MAGI1: variants seen among roughly 807,000 people sequenced by gnomAD.
The protein encoded by MAGI1 is membrane-associated guanylate kinase, WW and PDZ domain-containing protein 1.
Under a neutral mutation model 139.9 loss-of-function variants are expected in MAGI1, and 58 were observed. The ratio of observed to expected loss-of-function variants is 0.41; its 90% CI spans 0.34 to 0.52. MAGI1 has a LOEUF of 0.52. Ranked by LOEUF, MAGI1 falls within the 20% of genes least tolerant of loss-of-function variation. The probability of loss-of-function intolerance (pLI) is 0.12; values close to 1 mark genes in which losing one functional copy is unlikely to be tolerated. For missense variants in MAGI1, 1,874 were observed against 1,901.6 expected, an observed-to-expected ratio of 0.99 and a Z score of 0.27; for synonymous variants, 812 against 737.9, an observed-to-expected ratio of 1.10 and a Z score of -1.63.
intron 1 of MAGI1, among the ~76,000 whole-genome samples, chr3:65,927,632 A>G (rs745774165): frequency 6.6e-6 from 1 of 152,234 alleles, no homozygotes; most frequent in Non-Finnish European, 1.5e-5. Context: ...AATGTAAAGT[A>G]CTGCTTTTAG....
intron 2 of MAGI1, among the ~76,000 whole-genome samples, chr3:65,498,451 A>G (rs767152247): frequency 4.6e-5 from 7 of 152,182 alleles, no homozygotes; most frequent in Non-Finnish European, 8.8e-5. Context: ...AAAAAAATAT[A>G]TAACGCTGGG....
chr3:65,887,155 T>C (rs939338877), intron 1 of MAGI1, among the ~76,000 whole-genome samples: 4 of 152,150 alleles, frequency 2.6e-5, no homozygotes, highest in Non-Finnish European at 5.9e-5. Flanking sequence ...AAAGATCATA[T>C]GCATATTTTT....
chr3:65,410,097 G>C (rs1052984560), intron 12 of MAGI1, among the ~76,000 whole-genome samples: 3 of 152,130 alleles, frequency 2.0e-5, no homozygotes, highest in African/African-American at 7.2e-5. Context: ...TAAATACCTT[G>C]GACTGCTCAA....
At chr3:66,018,306 G>A (rs1233895870) in intron 1 of MAGI1, among the ~76,000 whole-genome samples, 1 of 152,150 alleles carries the variant, frequency 6.6e-6, no homozygotes, top group Non-Finnish European at 1.5e-5. Flanking sequence ...TCCAAAGACT[G>A]ACTGCCTGGT....
chr3:65,977,236 T>A (rs2065309572), intron 1 of MAGI1, among the ~76,000 whole-genome samples: 3 of 152,186 alleles, frequency 2.0e-5, no homozygotes, highest in African/African-American at 7.2e-5. Context: ...CAGTGGCATA[T>A]GTGAAAGGTT....
At chr3:65,491,661 C>A (rs1455536490) in intron 3 of MAGI1, among the ~76,000 whole-genome samples, 1 of 152,052 alleles carries the variant, frequency 6.6e-6, no homozygotes, top group Non-Finnish European at 1.5e-5. Flanking sequence ...ATGCTGACAA[C>A]ATGTTGAAGA....
At chr3:65,887,927 G>A (rs57838231) in intron 1 of MAGI1, among the ~76,000 whole-genome samples, 3,114 of 152,114 alleles carry the variant, frequency 0.02, 100 homozygotes, top group African/African-American at 0.071. Flanking sequence ...CATATTCATC[G>A]TTAGCAACTA....
At chr3:65,647,260 T>C (rs905627959) in intron 1 of MAGI1, among the ~76,000 whole-genome samples, 1 of 152,162 alleles carries the variant, frequency 6.6e-6, no homozygotes. Context: ...ATTTGACAAC[T>C]GAGATGAAAT....
chr3:65,414,477 G>A (rs925774864), intron 12 of MAGI1, among the ~76,000 whole-genome samples: 2 of 152,174 alleles, frequency 1.3e-5, no homozygotes, highest in African/African-American at 4.8e-5. Flanking sequence ...AGAAAGAGGG[G>A]AGCTCCCATT....
intron 21 of MAGI1, among the ~76,000 whole-genome samples, chr3:65,361,627 C>T (rs1396549648): frequency 6.6e-6 from 1 of 152,218 alleles, no homozygotes; most frequent in African/African-American, 2.4e-5. Flanking sequence ...TTTCTGCCTC[C>T]TTGCATTCAC....
intron 1 of MAGI1, among the ~76,000 whole-genome samples, chr3:65,666,184 G>A (rs887126034): frequency 2.6e-5 from 4 of 152,062 alleles, no homozygotes; most frequent in African/African-American, 9.7e-5. Context: ...TGTTACTCTC[G>A]GCAAATTTCC....
At chr3:65,378,150 T>A (rs1306199625) in intron 17 of MAGI1, among the ~76,000 whole-genome samples, 2 of 152,300 alleles carry the variant, frequency 1.3e-5, no homozygotes, top group East Asian at 3.9e-4. Context: ...GGAGTGTACA[T>A]CTATAATCAA....
chr3:65,884,863 G>A (rs1464209017), intron 1 of MAGI1, among the ~76,000 whole-genome samples: 1 of 152,126 alleles, frequency 6.6e-6, no homozygotes, highest in Non-Finnish European at 1.5e-5. Context: ...GGATTGGAGA[G>A]AGTATAAGAA....
chr3:65,845,171 A>G (rs1316798913), intron 1 of MAGI1, among the ~76,000 whole-genome samples: 1 of 152,006 alleles, frequency 6.6e-6, no homozygotes, highest in Non-Finnish European at 1.5e-5. Flanking sequence ...GAATCACTTG[A>G]ACCCAGGAGG....
intron 12 of MAGI1, among the ~76,000 whole-genome samples, chr3:65,406,076 C>T (rs1477121781): frequency 6.6e-6 from 1 of 152,110 alleles, no homozygotes; most frequent in African/African-American, 2.4e-5. Context: ...CATTTTGTTG[C>T]ATTTTAAAAT....
At chr3:65,807,524 T>C (rs150740261) in intron 1 of MAGI1, among the ~76,000 whole-genome samples, 23 of 152,248 alleles carry the variant, frequency 1.5e-4, no homozygotes, top group African/African-American at 4.6e-4. Context: ...TTTCACACCA[T>C]AGCAGAGGGT....
chr3:65,371,702 A>T (rs1371146302), intron 18 of MAGI1, among the ~76,000 whole-genome samples: 1 of 152,160 alleles, frequency 6.6e-6, no homozygotes, highest in Non-Finnish European at 1.5e-5. Flanking sequence ...CTGCTTTATT[A>T]ACTTAAGTTG....
chr3:65,651,947 G>GT (rs1175080585), intron 1 of MAGI1, among the ~76,000 whole-genome samples: 4 of 151,962 alleles, frequency 2.6e-5, no homozygotes, highest in Non-Finnish European at 4.4e-5. Context: ...ATCTAAAAAC[G>GT]TATCTTCTCT....
At chr3:65,631,969 G>A (rs1370731639) in intron 1 of MAGI1, among the ~76,000 whole-genome samples, 1 of 150,570 alleles carries the variant, frequency 6.6e-6, no homozygotes, top group Non-Finnish European at 1.5e-5. Flanking sequence ...AGGTTGCAGT[G>A]AGCCAAGATC....
Sources: allele counts gnomAD v4.1 joint callset (sites outside exome capture counted in the v4.1 genomes callset), GRCh38; gene constraint gnomAD v4.1.1; transcripts MANE v1.5; gene names NCBI Gene and HGNC (gene_info 2026-07-23, HGNC 2026-07-21).